EPB41L2: variants seen among roughly 807,000 people sequenced by gnomAD.
The protein encoded by EPB41L2 is band 4.1-like protein 2.
A neutral mutation model predicts 113.0 loss-of-function variants in EPB41L2; 43 were observed. That is an observed-to-expected ratio of 0.38 (90% CI 0.30 to 0.49). The LOEUF (loss-of-function observed/expected upper bound fraction) is 0.49. EPB41L2 is among the 20% of genes least tolerant of loss of function. The probability of loss-of-function intolerance (pLI) is 0.95; values close to 1 mark genes in which losing one functional copy is unlikely to be tolerated. For missense variants in EPB41L2, 1,147 were observed against 1,223.4 expected (o/e 0.94, Z 0.93); for synonymous variants, 442 against 436.7 (o/e 1.01, Z -0.15).
At chr6:131,005,199 T>C (rs1785217003) in intron 1 of EPB41L2, among the ~76,000 whole-genome samples, 1 of 151,618 alleles carries the variant, frequency 6.6e-6, no homozygotes, top group Admixed American at 6.6e-5. Flanking sequence ...TTTTTAACCT[T>C]CAAAAACCTC....
At chr6:130,996,282 C>T (rs2128704345) in intron 1 of EPB41L2, among the ~76,000 whole-genome samples, 1 of 152,300 alleles carries the variant, frequency 6.6e-6, no homozygotes, top group Admixed American at 6.5e-5. Flanking sequence ...ACAAGCCCAA[C>T]TGATGCCCAG....
At chr6:130,998,097 A>C (rs545808324) in intron 1 of EPB41L2, among the ~76,000 whole-genome samples, 1 of 152,314 alleles carries the variant, frequency 6.6e-6, no homozygotes, top group South Asian at 2.1e-4. Flanking sequence ...CGACCACTCT[A>C]TGAGAAATGT....
At chr6:130,927,286 G>A (rs148869897) in intron 3 of EPB41L2, among the ~76,000 whole-genome samples, 73 of 152,218 alleles carry the variant, frequency 4.8e-4, no homozygotes, top group African/African-American at 1.8e-3. Flanking sequence ...TAATGGAAGT[G>A]GGACAAGAAA....
At chr6:130,848,909 A>G (rs1476254837) in intron 19 of EPB41L2, among the ~76,000 whole-genome samples, 3 of 152,228 alleles carry the variant, frequency 2.0e-5, no homozygotes, top group Admixed American at 1.3e-4. Context: ...AATGTCTAGG[A>G]TCCTATTTCC....
intron 1 of EPB41L2, among the ~76,000 whole-genome samples, chr6:131,000,151 C>CTT (rs35432319): frequency 7.4e-5 from 11 of 148,314 alleles, no homozygotes; most frequent in Admixed American, 6.8e-4. Flanking sequence ...GGAATAGTGG[C>CTT]TTTTTAAAAA....
intron 1 of EPB41L2, among the ~76,000 whole-genome samples, chr6:130,963,155 T>G (rs2128636815): frequency 6.6e-6 from 1 of 152,348 alleles, no homozygotes; most frequent in South Asian, 2.1e-4. Context: ...TGGAGCTTCC[T>G]GTTTGTGAAA....
intron 1 of EPB41L2, among the ~76,000 whole-genome samples, chr6:131,032,888 T>TGAAATCCCAGCACTCTGG (rs1158697756): frequency 6.6e-6 from 1 of 152,216 alleles, no homozygotes; most frequent in Non-Finnish European, 1.5e-5. Context: ...GGCTCACGCT[T>TGAAATCCCAGCACTCTGG]GAAATCCCAG....
rs371934402 is a variant in EPB41L2, at chr6:130,869,750, A to G, written c.2420T>C (p.Val807Ala). 6.2e-6 allele frequency: 10 copies of G among 1,613,968 alleles called. No individual in the cohort carries two copies. Among genetic ancestry groups the G allele is most frequent in the Non-Finnish European group, 8.5e-6 (10 of 1,180,028 alleles). ...ASPVTQAGASVITVETVIQEN... is the reference protein window; with the variant it reads ...ASPVTQAGASAITVETVIQEN... ...CTGGATCACTGTTTCTACTGTGATT[A>G]CACTGGCACCTGCTTGTGTGACTGG... The change falls in exon 15 of 20, where the codon GTA (valine) becomes GCA (alanine). Residue 807 changes from valine (V) to alanine (A), a missense_variant. Transcript: ENST00000337057.
At chr6:130,847,025 C>T (rs1777252873) in intron 19 of EPB41L2, among the ~76,000 whole-genome samples, 1 of 152,184 alleles carries the variant, frequency 6.6e-6, no homozygotes, top group African/African-American at 2.4e-5. Flanking sequence ...GTCAATCATA[C>T]ACACTACTGA....
intron 1 of EPB41L2, among the ~76,000 whole-genome samples, chr6:130,992,598 T>A (rs1023879600): frequency 1.3e-5 from 2 of 152,248 alleles, no homozygotes; most frequent in Middle Eastern, 3.4e-3. Context: ...GTCCTTTCTC[T>A]GTATGTATTT....
At chr6:130,895,197 A>G (rs1423483491) in intron 8 of EPB41L2, 78 bp from the exon 9 acceptor site, 1 of 1,460,262 alleles carries the variant, frequency 6.8e-7, no homozygotes, top group Non-Finnish European at 9.2e-7. Flanking sequence ...AGCTCCCTCA[A>G]ATCATGATCA....
chr6:130,964,012 T>A (rs1774308473), intron 1 of EPB41L2, among the ~76,000 whole-genome samples: 1 of 149,808 alleles, frequency 6.7e-6, no homozygotes, highest in Non-Finnish European at 1.5e-5. Flanking sequence ...AGCTATATTC[T>A]TTCTTTTCTT....
At chr6:130,970,033 C>T (rs931189311) in intron 1 of EPB41L2, among the ~76,000 whole-genome samples, 3 of 152,168 alleles carry the variant, frequency 2.0e-5, no homozygotes, top group East Asian at 1.9e-4. Context: ...AAACTAAACT[C>T]GGCCCAATGG....
chr6:130,941,240 T>A (rs1228515260), intron 3 of EPB41L2, among the ~76,000 whole-genome samples: 3 of 152,212 alleles, frequency 2.0e-5, no homozygotes, highest in Non-Finnish European at 4.4e-5. Context: ...CATTAATTTT[T>A]TAAAAATGAA....
intron 1 of EPB41L2, among the ~76,000 whole-genome samples, chr6:130,962,450 T>C (rs1773822325): frequency 6.6e-6 from 1 of 152,218 alleles, no homozygotes; most frequent in African/African-American, 2.4e-5. Context: ...ATACTTCATA[T>C]TCAAGTAAGT....
intron 3 of EPB41L2, among the ~76,000 whole-genome samples, chr6:130,940,716 G>T (rs1443998706): frequency 6.6e-6 from 1 of 152,008 alleles, no homozygotes; most frequent in East Asian, 1.9e-4. Context: ...TGATCTGCCC[G>T]CCTCGGCCTC....
intron 1 of EPB41L2, among the ~76,000 whole-genome samples, chr6:131,058,798 T>C (rs190113532): frequency 1.1e-4 from 17 of 152,266 alleles, no homozygotes; most frequent in Admixed American, 5.2e-4. Flanking sequence ...GGTGGATCAC[T>C]TGAGGTCAGG....
At chr6:130,936,897 G>A (rs1809003375) in intron 3 of EPB41L2, among the ~76,000 whole-genome samples, 1 of 152,206 alleles carries the variant, frequency 6.6e-6, no homozygotes, top group Non-Finnish European at 1.5e-5. Context: ...AACTCTGGCT[G>A]CACAAATGCT....
At chr6:131,035,846 T>C (rs1001339857) in intron 1 of EPB41L2, among the ~76,000 whole-genome samples, 11 of 152,238 alleles carry the variant, frequency 7.2e-5, no homozygotes, top group African/African-American at 2.4e-4. Context: ...GCAATGTCAC[T>C]GCTAATTATT....
Sources: gnomAD v4.1 joint callset for allele counts (sites outside exome capture counted in the v4.1 genomes callset) on GRCh38, gnomAD v4.1.1 for gene constraint, MANE v1.5 for transcripts, NCBI Gene and HGNC (gene_info 2026-07-23, HGNC 2026-07-21) for gene names.